The following CLRN3 variants were observed in gnomAD, a reference collection of about 807,000 sequenced individuals.
The protein encoded by CLRN3 is clarin 3, also known as clarin-3.
CLRN3 carries 12 observed loss-of-function variants against 16.7 expected under a neutral mutation model. The observed-to-expected ratio is 0.72, with a 90% CI of 0.46 to 1.16. The LOEUF is 1.16. Ranked by LOEUF, CLRN3 falls within the 50% of genes most tolerant of loss-of-function variation. The pLI, the probability that CLRN3 is intolerant of heterozygous loss-of-function variation, is 0.00. For missense variants in CLRN3, 296 were observed against 274.2 expected (o/e 1.08, Z -0.56); for synonymous variants, 118 against 113.0 (o/e 1.04, Z -0.28).
intron 1 of CLRN3, among the ~76,000 whole-genome samples, chr10:127,886,246 C>G (rs1845192754): frequency 6.6e-6 from 1 of 152,188 alleles, no homozygotes. Context: ...CGTCATCACT[C>G]CATTTTTGAA....
intron 2 of CLRN3, among the ~76,000 whole-genome samples, chr10:127,882,325 C>T (rs1255513555): frequency 6.6e-6 from 1 of 152,216 alleles, no homozygotes; most frequent in Non-Finnish European, 1.5e-5. Context: ...ATCCTTAGAG[C>T]TGAGGTGTGA....
At chr10:127,889,008 C>T (rs1845228498) in intron 1 of CLRN3, among the ~76,000 whole-genome samples, 1 of 152,192 alleles carries the variant, frequency 6.6e-6, no homozygotes, top group Admixed American at 6.5e-5. Context: ...GGTGAGTCTA[C>T]CTTCCGCTGT....
At chr10:127,891,415 T>C (rs975660598) in intron 1 of CLRN3, among the ~76,000 whole-genome samples, 3 of 152,222 alleles carry the variant, frequency 2.0e-5, no homozygotes, top group African/African-American at 7.2e-5. Flanking sequence ...GTTTTGAAAA[T>C]GCTATTCACA....
chr10:127,881,259 C>T (rs1845124426), intron 2 of CLRN3, among the ~76,000 whole-genome samples: 1 of 152,250 alleles, frequency 6.6e-6, no homozygotes, highest in Non-Finnish European at 1.5e-5. Flanking sequence ...CTCCGTCCAA[C>T]AATTCTTTGT....
chr10:127,891,038 G>A (rs995581393), intron 1 of CLRN3, among the ~76,000 whole-genome samples: 2 of 152,202 alleles, frequency 1.3e-5, no homozygotes, highest in Admixed American at 6.5e-5. Flanking sequence ...CAGTAACAGA[G>A]ACTTAAAGTA....
chr10:127,885,653 T>A (rs1564779129), intron 1 of CLRN3, among the ~76,000 whole-genome samples: 1 of 152,220 alleles, frequency 6.6e-6, no homozygotes, highest in Non-Finnish European at 1.5e-5. Flanking sequence ...CATCACTCAC[T>A]GCAGTCTTGA....
In CLRN3 at chr10:127,878,008, G is replaced by T; in HGVS notation, c.*141C>A. 9.4e-7 allele frequency: 1 copy of T among 1,062,396 alleles called. No individual in the cohort carries two copies. The highest frequency in any genetic ancestry group is 1.3e-6 in the Non-Finnish European group (1 of 745,996). 65.8% of individuals were successfully genotyped at this position (1,062,396 alleles called of 1,614,324 possible). A position where few individuals can be genotyped will look rare whatever the true frequency, so the allele number is the denominator to read the frequency against. ...AAATTTTCAGGAGTACAGCATCAAT[G>T]AAGAACACAGTGTCATGAAACACAA... On this transcript the variant is annotated 3_prime_UTR_variant, in exon 3 of 3. Coordinates refer to ENST00000368671, the MANE Select transcript of CLRN3 (RefSeq NM_152311.5).
In CLRN3 at chr10:127,892,775, T is replaced by A; in HGVS notation, c.10A>T (p.Thr4Ser). The A allele has an allele frequency of 6.2e-7, 1 of 1,604,554 alleles. No individual in the cohort carries two copies. Among genetic ancestry groups the A allele is most frequent in the Non-Finnish European group, 8.5e-7 (1 of 1,172,902 alleles). The change falls in exon 1 of 3, where the codon ACA becomes TCA. Residue 4 changes from threonine (T) to serine (S), a missense_variant. Physicochemically the swap from Thr to Ser is moderately conservative, Grantham distance 58. Coordinates refer to ENST00000368671, the MANE Select transcript of CLRN3 (RefSeq NM_152311.5). ...GATAAGAACATCAATGTCTTCTTTG[T>A]GGTAGGCATTTTCACAGGAAAATAA... The part of the protein sequence containing the change: MPT[T>S]KKTLMFLSSF...
At chr10:127,882,616 C>T (rs1845142031) in intron 2 of CLRN3, among the ~76,000 whole-genome samples, 1 of 152,188 alleles carries the variant, frequency 6.6e-6, no homozygotes, top group Admixed American at 6.5e-5. Flanking sequence ...CGCTGGCCTC[C>T]TTCAGCCACC....
intron 1 of CLRN3, among the ~76,000 whole-genome samples, chr10:127,891,145 G>A (rs975270804): frequency 3.3e-5 from 5 of 152,216 alleles, no homozygotes; most frequent in African/African-American, 9.6e-5. Flanking sequence ...GGCTCTCCTT[G>A]ACAAGTGCCT....
At chr10:127,884,759 A>G (rs542660231) in intron 1 of CLRN3, among the ~76,000 whole-genome samples, 18 of 152,258 alleles carry the variant, frequency 1.2e-4, no homozygotes, top group African/African-American at 4.3e-4. Context: ...CATCTCCTCC[A>G]CCGGCTCTTT....
rs114036758 is a variant in CLRN3, at chr10:127,877,857, C to A, written c.*292G>T. ...ATACTCAAAGAAAAGAAACATGACA[C>A]AGCCTTTTATTATTTCAGATCGTGA... On this transcript the variant is annotated 3_prime_UTR_variant, in exon 3 of 3. Coordinates refer to ENST00000368671, the MANE Select transcript of CLRN3 (RefSeq NM_152311.5). The A allele has an allele frequency of 1.9e-4, 66 of 346,250 alleles. No homozygotes were observed. Among genetic ancestry groups the A allele is most frequent in the Admixed American group, 4.8e-4 (11 of 23,106 alleles). The allele number at this position is 346,250 out of a possible 1,614,324, so 21.4% of individuals were successfully genotyped here. A position where few individuals can be genotyped will look rare whatever the true frequency, so the allele number is the denominator to read the frequency against.
intron 1 of CLRN3, among the ~76,000 whole-genome samples, chr10:127,886,689 G>A (rs550851594): frequency 2.6e-5 from 4 of 152,356 alleles, no homozygotes; most frequent in African/African-American, 9.6e-5. Context: ...ACCAGGAGAA[G>A]ACTGGGCAAG....
Position 127,878,381 on chromosome 10 carries a change from T to C in CLRN3, c.449A>G (p.Asn150Ser). 1.9e-6 allele frequency: 3 copies of C among 1,614,242 alleles called. No individual in the cohort carries two copies. Among genetic ancestry groups the C allele is most frequent in the East Asian group, 2.2e-5 (1 of 44,892 alleles). The change falls in exon 3 of 3, where the codon AAC (asparagine) becomes AGC (serine). Residue 150 changes from asparagine (N) to serine (S), a missense_variant. Transcript: ENST00000368671. ...VFVTMILFVA[N>S]TQSNQLSEEL... Reference sequence around the variant, plus strand: ...TTCGGAGAGTTGGTTGGACTGCGTGTTCGCCACAAACAGTATCATGGTCAC... The same window carrying C: ...TTCGGAGAGTTGGTTGGACTGCGTGCTCGCCACAAACAGTATCATGGTCAC...
At chr10:127,882,026 C>T (rs1427358693) in intron 2 of CLRN3, among the ~76,000 whole-genome samples, 2 of 152,164 alleles carry the variant, frequency 1.3e-5, no homozygotes, top group Non-Finnish European at 2.9e-5. Flanking sequence ...ATTGGTTTAC[C>T]TTGGTTTGAT....
chr10:127,881,067 A>G lies in CLRN3; in HGVS notation c.409+2629T>C, dbSNP rs547112162. Among the ~76,000 whole-genome samples the G allele has an allele frequency of 1.1e-4, 16 of 152,268 alleles. 2 individuals carry two copies. Among genetic ancestry groups the G allele is most frequent in the Admixed American group, 1.0e-3 (16 of 15,300 alleles). On this transcript the variant is annotated intron_variant, in intron 2 of 2. Transcript: ENST00000368671. ...GCCTATCAACACTGTTAGGGTCAAG[A>G]GGCCTCAAGGGGCATTTAGAGGAAG...
chr10:127,885,504 G>A (rs1845182745), intron 1 of CLRN3, among the ~76,000 whole-genome samples: 1 of 152,160 alleles, frequency 6.6e-6, no homozygotes, highest in African/African-American at 2.4e-5. Flanking sequence ...ATTCTCTGCT[G>A]AGTGTGACTG....
At chr10:127,886,550 G>A (rs1419629180) in intron 1 of CLRN3, among the ~76,000 whole-genome samples, 3 of 152,216 alleles carry the variant, frequency 2.0e-5, no homozygotes, top group Non-Finnish European at 4.4e-5. Flanking sequence ...GGCTGCAAGG[G>A]AGAGTGAGAA....
rs780545802 is a variant in CLRN3 at position 127,883,703 on chromosome 10, C to A, written c.402G>T (p.Gly134=). 1 of 1,611,866 alleles carries A rather than the reference C, an allele frequency of 6.2e-7. No homozygotes were observed. Among genetic ancestry groups the A allele is most frequent in the African/African-American group, 1.3e-5 (1 of 74,822 alleles). ...LGPTGVYTWN[G]LGASFVFVTM... ...TCTCACAGGGCCACTCACCACCGAG[C>A]CCGTTCCAGGTGTACACCCCCGTCG... Residue 134 remains glycine, a synonymous_variant, in exon 2 of 3, where the codon GGG becomes GGT. Transcript: ENST00000368671.
Sources: gnomAD v4.1 joint callset for allele counts (sites outside exome capture counted in the v4.1 genomes callset) on GRCh38, gnomAD v4.1.1 for gene constraint, MANE v1.5 for transcripts, NCBI Gene and HGNC (gene_info 2026-07-23, HGNC 2026-07-21) for gene names.